C3orf49: variants seen among roughly 807,000 people sequenced by gnomAD.
C3orf49 encodes the protein chromosome 3 open reading frame 49, also known as putative uncharacterized protein C3orf49.
A neutral mutation model predicts 13.3 loss-of-function variants in C3orf49; 27 were observed. That is an observed-to-expected ratio of 2.02 (90% confidence interval 1.49 to 2.79). The LOEUF (loss-of-function observed/expected upper bound fraction) is 2.79. Ranked by LOEUF, C3orf49 falls within the 30% of genes most tolerant of loss-of-function variation. The pLI is 0.00. For missense variants in C3orf49, 242 were observed against 134.2 expected (o/e 1.80, Z -3.97); for synonymous variants, 87 against 47.6 (o/e 1.83, Z -3.40).
chr3:63,828,081 G>A (rs766650977), intron 3 of C3orf49, among the ~76,000 whole-genome samples: 2 of 152,232 alleles, frequency 1.3e-5, no homozygotes, highest in Non-Finnish European at 2.9e-5. Flanking sequence ...CTGTGAAGAT[G>A]TAAGTATGCA....
At chr3:63,780,436 C>T in the C3orf49 span, among the ~76,000 whole-genome samples, 499 of 152,162 alleles carry the variant, frequency 3.3e-3, 2 homozygotes, top group African/African-American at 0.011. Flanking sequence ...TGAATGGTGC[C>T]GCAATAAACA....
intron 3 of C3orf49, among the ~76,000 whole-genome samples, chr3:63,828,474 A>AT (rs1157355017): frequency 4.6e-5 from 7 of 151,982 alleles, no homozygotes; most frequent in Non-Finnish European, 1.0e-4. Flanking sequence ...TAATTTTTGT[A>AT]TTTTTAGTAG....
At chr3:63,811,021 T>C in the C3orf49 span, among the ~76,000 whole-genome samples, 10 of 152,246 alleles carry the variant, frequency 6.6e-5, no homozygotes, top group South Asian at 2.1e-3. Context: ...AGTAATTTTG[T>C]ATTTTCAGTA....
intron 5 of C3orf49, chr3:63,838,090 G>T: frequency 6.5e-7 from 1 of 1,542,172 alleles, no homozygotes. Flanking sequence ...TTAAAAGATA[G>T]TTGTAACAAA....
chr3:63,847,029 T>C (rs1446009385), intron 6 of C3orf49, among the ~76,000 whole-genome samples: 1 of 152,050 alleles, frequency 6.6e-6, no homozygotes, highest in Non-Finnish European at 1.5e-5. Context: ...AATTCACTAG[T>C]AGGAGGGCTA....
chr3:63,837,906 C>G, intron 5 of C3orf49: 1 of 1,397,220 alleles, frequency 7.2e-7, no homozygotes, highest in Non-Finnish European at 9.8e-7. Context: ...TACCTCACAA[C>G]ATTAAAAACT....
chr3:63,816,492 A>C (rs1288374184), upstream of C3orf49, among the ~76,000 whole-genome samples: 1 of 151,698 alleles, frequency 6.6e-6, no homozygotes, highest in Admixed American at 6.6e-5. Flanking sequence ...CTCAGGAGGC[A>C]CAAGAATCGC....
rs552047074 is a variant in C3orf49 at position 63,837,047 on chromosome 3, GA to G, written c.849+5213del. Among the ~76,000 whole-genome samples, 58 of 145,574 alleles carry G rather than the reference GA, an allele frequency of 4.0e-4. No individual in the cohort carries two copies. In the East Asian group the frequency reaches 7.0e-3, roughly 18 times the overall value. ...AACTTCACCATACACATTTTAAACT[GA>G]AAAAAAAAACTTGTAAAAAGAGGAA... On this transcript the variant is annotated intron_variant, in intron 5 of 6. Transcript: ENST00000295896.
the C3orf49 span, among the ~76,000 whole-genome samples, chr3:63,802,604 T>C: frequency 6.6e-6 from 1 of 152,232 alleles, no homozygotes; most frequent in Non-Finnish European, 1.5e-5. Flanking sequence ...CTGGCTATAA[T>C]AATGCTAAAT....
chr3:63,820,333 T>C (rs901135860), intron 1 of C3orf49, among the ~76,000 whole-genome samples: 1 of 152,122 alleles, frequency 6.6e-6, no homozygotes, highest in African/African-American at 2.4e-5. Flanking sequence ...AAGTAGGCAC[T>C]CCGGGGGAAG....
intron 3 of C3orf49, among the ~76,000 whole-genome samples, chr3:63,830,550 G>A (rs1162939807): frequency 6.6e-6 from 1 of 152,164 alleles, no homozygotes; most frequent in African/African-American, 2.4e-5. Context: ...TGGGAGCCAT[G>A]ACCTGGGAAT....
At position 63,827,602 on chromosome 3, in the gene C3orf49, G is replaced by A. The variant is rs765108791; in HGVS notation, c.447G>A (p.Ala149=). The change falls in exon 3 of 7, where the codon GCG becomes GCA. Residue 149 remains alanine, a splice_region_variant and synonymous_variant. Coordinates refer to ENST00000295896, the MANE Select transcript of C3orf49 (RefSeq NM_001355236.2). ...TTCCTTTTTCCCCCTTTCTTGAAGCGACTATACAACTTGATGTTGTAGAGG... is the reference window on the plus strand; with the variant it reads ...TTCCTTTTTCCCCCTTTCTTGAAGCAACTATACAACTTGATGTTGTAGAGG... ...TAKMRKLSEN[A]TIQLDVVEAE... 3.6e-5 allele frequency: 25 copies of A among 701,720 alleles called. No homozygotes were observed. The Middle Eastern group carries it at 9.1e-4, about 26-fold the overall frequency. 43.5% of individuals were successfully genotyped at this position (701,720 alleles called of 1,614,324 possible).
chr3:63,835,365 A>T (rs1051050841), intron 5 of C3orf49: 1 of 1,613,380 alleles, frequency 6.2e-7, no homozygotes, highest in Non-Finnish European at 8.5e-7. Context: ...AGATGCTCTA[A>T]TTCTTTTCCC....
intron 5 of C3orf49, among the ~76,000 whole-genome samples, chr3:63,840,448 G>T (rs1028090101): frequency 2.0e-5 from 3 of 152,026 alleles, no homozygotes; most frequent in Non-Finnish European, 4.4e-5. Context: ...AAATTAGCTG[G>T]GTGTGGTGGC....
chr3:63,782,978 A>G, the C3orf49 span: 1 of 152,216 alleles, frequency 6.6e-6, no homozygotes, highest in South Asian at 2.1e-4. Flanking sequence ...TTTTATTTTA[A>G]CAGAGATGTG....
At chr3:63,802,466 A>G in the C3orf49 span, among the ~76,000 whole-genome samples, 1 of 152,336 alleles carries the variant, frequency 6.6e-6, no homozygotes, top group East Asian at 1.9e-4. Flanking sequence ...CATTTCGTTT[A>G]GCCTTTATCT....
In C3orf49 at chr3:63,843,107, T is replaced by C. The variant is rs557414897; in HGVS notation, c.850-1916T>C. On this transcript the variant is annotated intron_variant, in intron 5 of 6. Transcript: ENST00000295896. ...TGCCCCAACCCCTCCAAAAACCGTA[T>C]GTATATTTGTTTGTTTGTTTGTTTG... Among the ~76,000 whole-genome samples, 19 of 148,120 alleles carry C rather than the reference T, an allele frequency of 1.3e-4. 1 individual carries two copies. Among genetic ancestry groups the C allele is most frequent in the African/African-American group, 4.8e-4 (19 of 39,960 alleles).
chr3:63,816,769 C>CTTTTTTTTTTTT (rs543894356), upstream of C3orf49, among the ~76,000 whole-genome samples: 65 of 97,168 alleles, frequency 6.7e-4, no homozygotes, highest in Non-Finnish European at 8.2e-4. Flanking sequence ...CTTTTCTTTT[C>CTTTTTTTTTTTT]TTTTTTTTTT....
chr3:63,824,598 G>A (rs899392557), intron 2 of C3orf49, among the ~76,000 whole-genome samples: 6 of 152,140 alleles, frequency 3.9e-5, no homozygotes, highest in Admixed American at 2.0e-4. Flanking sequence ...CAGCTCTTTG[G>A]AAGGCCAAAG....
Sources: gnomAD v4.1 joint callset for allele counts (sites outside exome capture counted in the v4.1 genomes callset) on GRCh38, gnomAD v4.1.1 for gene constraint, MANE v1.5 for transcripts, NCBI Gene and HGNC (gene_info 2026-07-23, HGNC 2026-07-21) for gene names.